The following LPP variants were observed in gnomAD, a reference collection of about 807,000 sequenced individuals.
The protein encoded by LPP is LIM domain containing preferred translocation partner in lipoma, also known as lipoma-preferred partner.
In LPP, 38 loss-of-function variants were observed where a neutral mutation model predicts 60.4. The ratio of observed to expected loss-of-function variants is 0.63; its 90% CI spans 0.49 to 0.83. The LOEUF (loss-of-function observed/expected upper bound fraction) is 0.83. LPP is among the 40% of genes least tolerant of loss of function. LPP has a pLI of 0.00. For synonymous variants in LPP, 328 were observed against 290.8 expected (o/e 1.13, Z -1.30); for missense variants, 902 against 783.6 (o/e 1.15, Z -1.80).
intron 3 of LPP, among the ~76,000 whole-genome samples, chr3:188,351,407 T>C (rs1358301115): frequency 1.3e-5 from 2 of 152,150 alleles, no homozygotes; most frequent in African/African-American, 2.4e-5. Context: ...TCACCAAGCA[T>C]TGGAGAGATG....
intron 6 of LPP, among the ~76,000 whole-genome samples, chr3:188,574,021 G>C (rs1019917645): frequency 6.6e-6 from 1 of 152,098 alleles, no homozygotes; most frequent in Non-Finnish European, 1.5e-5. Context: ...GCCTGCTATT[G>C]AGGTAGTTAA....
Position 188,829,257 on chromosome 3 carries a change from C to T in LPP, c.1411-36943C>T, listed in dbSNP as rs187608839. On this transcript the variant is annotated intron_variant, in intron 9 of 11. Coordinates refer to ENST00000617246, the MANE Select transcript of LPP (RefSeq NM_001375462.1). ...CTCGCCTATTAATCACCATACCTTC[C>T]CACCTCTTACGGGAATACCGAACTA... Among the ~76,000 whole-genome samples the T allele has an allele frequency of 3.9e-3, 596 of 152,162 alleles. 5 individuals carry two copies. The highest frequency in any genetic ancestry group is 0.014 in the African/African-American group (575 of 41,444).
intron 7 of LPP, among the ~76,000 whole-genome samples, chr3:188,628,828 T>G (rs947025722): frequency 6.6e-6 from 1 of 152,100 alleles, no homozygotes; most frequent in Non-Finnish European, 1.5e-5. Context: ...GCCAATATCC[T>G]TGATGAACAT....
intron 10 of LPP, among the ~76,000 whole-genome samples, chr3:188,869,548 C>T (rs1245705321): frequency 3.3e-5 from 5 of 152,222 alleles, no homozygotes; most frequent in Non-Finnish European, 7.3e-5. Flanking sequence ...GCCTAGGCCT[C>T]CCAAAGTGCT....
intron 4 of LPP, among the ~76,000 whole-genome samples, chr3:188,442,887 A>T (rs1266102957): frequency 6.6e-6 from 1 of 152,242 alleles, no homozygotes; most frequent in East Asian, 1.9e-4. Flanking sequence ...AAGAGCAGAT[A>T]CGTGAGTTAC....
At chr3:188,244,816 A>G (rs1298275319) in intron 2 of LPP, among the ~76,000 whole-genome samples, 1 of 152,158 alleles carries the variant, frequency 6.6e-6, no homozygotes, top group African/African-American at 2.4e-5. Flanking sequence ...TCTGCCCTGA[A>G]CTGTGAACTC....
At chr3:188,281,601 C>CAAAAAAAAAAAAA (rs1167297915) in intron 2 of LPP, among the ~76,000 whole-genome samples, 1 of 66,542 alleles carries the variant, frequency 1.5e-5, no homozygotes, top group Non-Finnish European at 2.6e-5. Context: ...AAGACTCTAC[C>CAAAAAAAAAAAAA]AAAAAAAAAA....
chr3:188,179,826 C>A (rs932154), intron 1 of LPP: 11 of 285,144 alleles, frequency 3.9e-5, no homozygotes, highest in Non-Finnish European at 6.2e-5. Context: ...CTCATCCTGC[C>A]TTGGGTCCAT....
intron 7 of LPP, among the ~76,000 whole-genome samples, chr3:188,611,531 A>T (rs1843714972): frequency 6.6e-6 from 1 of 152,172 alleles, no homozygotes; most frequent in Admixed American, 6.5e-5. Context: ...TTACCCAGGG[A>T]AGATTACAGT....
intron 9 of LPP, among the ~76,000 whole-genome samples, chr3:188,838,992 A>G (rs1451605826): frequency 6.6e-6 from 1 of 152,226 alleles, no homozygotes; most frequent in Non-Finnish European, 1.5e-5. Context: ...ACAAACCTGT[A>G]CATTCTGCAC....
intron 2 of LPP, among the ~76,000 whole-genome samples, chr3:188,326,577 C>G (rs568033172): frequency 1.3e-5 from 2 of 152,148 alleles, no homozygotes; most frequent in East Asian, 3.9e-4. Flanking sequence ...TCCACAGTTA[C>G]GAGTCTTATC....
At chr3:188,623,258 CTTTT>C (rs112468971) in intron 7 of LPP, among the ~76,000 whole-genome samples, 2 of 135,994 alleles carry the variant, frequency 1.5e-5, no homozygotes, top group East Asian at 2.1e-4. Context: ...TATGAAGATA[CTTTT>C]TTTTTTTTTT....
At chr3:188,677,180 A>G (rs1186019933) in intron 7 of LPP, among the ~76,000 whole-genome samples, 3 of 152,150 alleles carry the variant, frequency 2.0e-5, no homozygotes, top group African/African-American at 7.2e-5. Context: ...CATCTAAACC[A>G]TACCTGCACT....
rs140546529 is a variant in LPP at position 188,364,769 on chromosome 3, T to A, written c.-10+23050T>A. Among the ~76,000 whole-genome samples, 49 of 152,352 alleles carry A rather than the reference T, an allele frequency of 3.2e-4. No individual in the cohort carries two copies. In the East Asian group the frequency reaches 8.1e-3, roughly 25 times the overall value. On this transcript the variant is annotated intron_variant, in intron 3 of 11. Coordinates refer to ENST00000617246, the MANE Select transcript of LPP (RefSeq NM_001375462.1). ...TTTTCATATTTGTTTCCTGCTGCCC[T>A]CTGGCCACCATTCAGACCGTTTGGA...
rs1452976105 is a variant in LPP at position 188,880,425 on chromosome 3, A to G, written c.*5946A>G. On this transcript the variant is annotated 3_prime_UTR_variant, in exon 12 of 12. Transcript: ENST00000617246. ...AAATTCTGGTTGTTATTTAATTGAC[A>G]GAAGTCTCTTGATGCACGAATAAAT... 1 of 190,312 alleles carries G rather than the reference A, an allele frequency of 5.3e-6. No homozygotes were observed. Among genetic ancestry groups the G allele is most frequent in the Non-Finnish European group, 1.1e-5 (1 of 90,802 alleles). The allele number at this position is 190,312 out of a possible 1,614,324, so 11.8% of individuals were successfully genotyped here.
chr3:188,854,391 T>A (rs1763345937), intron 9 of LPP, among the ~76,000 whole-genome samples: 1 of 152,198 alleles, frequency 6.6e-6, no homozygotes, highest in African/African-American at 2.4e-5. Context: ...GGTTTAATTC[T>A]CATGAATGGG....
At chr3:188,655,895 A>T (rs537391341) in intron 7 of LPP, among the ~76,000 whole-genome samples, 4 of 152,074 alleles carry the variant, frequency 2.6e-5, no homozygotes, top group South Asian at 4.1e-4. Context: ...TCTCACATTA[A>T]AAAAACACTT....
intron 3 of LPP, among the ~76,000 whole-genome samples, chr3:188,347,914 T>C (rs1383359887): frequency 6.6e-6 from 1 of 152,236 alleles, no homozygotes; most frequent in Non-Finnish European, 1.5e-5. Context: ...TTAATGGCTC[T>C]CTGAGAATAA....
chr3:188,721,735 G>T (rs577187569), intron 8 of LPP, among the ~76,000 whole-genome samples: 1 of 151,966 alleles, frequency 6.6e-6, no homozygotes, highest in African/African-American at 2.4e-5. Flanking sequence ...TTTTTCTTTT[G>T]CATGCGGAGT....
Sources: gnomAD v4.1 joint callset for allele counts (sites outside exome capture counted in the v4.1 genomes callset) on GRCh38, gnomAD v4.1.1 for gene constraint, MANE v1.5 for transcripts, NCBI Gene and HGNC (gene_info 2026-07-23, HGNC 2026-07-21) for gene names.